Variants in SLCO3A1 observed in about 807,000 individuals in gnomAD.
SLCO3A1 encodes solute carrier organic anion transporter family member 3A1, also known as PGE1 transporter.
In SLCO3A1, 27 loss-of-function variants were observed where a neutral mutation model predicts 63.1. That is an observed-to-expected ratio of 0.43 (90% CI 0.32 to 0.59). SLCO3A1 has a LOEUF of 0.59. Among genes scored for constraint, SLCO3A1 ranks in the 20% least tolerant of loss-of-function variants. The pLI, the probability that SLCO3A1 is intolerant of heterozygous loss-of-function variation, is 0.09. For synonymous variants in SLCO3A1, 473 were observed against 409.9 expected, an observed-to-expected ratio of 1.15 and a Z score of -1.86; for missense variants, 773 against 945.8, an observed-to-expected ratio of 0.82 and a Z score of 2.40.
chr15:91,857,476 G>T (rs534931102), intron 1 of SLCO3A1, among the ~76,000 whole-genome samples: 8 of 152,270 alleles, frequency 5.3e-5, no homozygotes, highest in African/African-American at 1.9e-4. Context: ...AGGCCTGCTC[G>T]GTTTGATAGT....
chr15:92,083,811 C>T lies in SLCO3A1; in HGVS notation c.647-11070C>T, dbSNP rs560775846. On this transcript the variant is annotated intron_variant, in intron 2 of 9. Transcript: ENST00000318445. ...TATTGAGCACTTACTGTATGCCAGGCGCTGTGGAAAGCCCTTGTGAGGCAC... is the reference window on the plus strand; with the variant it reads ...TATTGAGCACTTACTGTATGCCAGGTGCTGTGGAAAGCCCTTGTGAGGCAC... Among the ~76,000 whole-genome samples the T allele has an allele frequency of 2.5e-4, 38 of 152,186 alleles. No individual in the cohort carries two copies. In the South Asian group the frequency reaches 5.6e-3, roughly 23 times the overall value.
chr15:92,160,653 G>T (rs574102516), intron 9 of SLCO3A1, among the ~76,000 whole-genome samples: 4 of 152,158 alleles, frequency 2.6e-5, no homozygotes, highest in Non-Finnish European at 4.4e-5. Flanking sequence ...TCTCTTTGGG[G>T]TATCAAGCAG....
intron 2 of SLCO3A1, among the ~76,000 whole-genome samples, chr15:92,010,542 G>A (rs1052159772): frequency 2.0e-5 from 3 of 152,110 alleles, no homozygotes; most frequent in African/African-American, 7.2e-5. Flanking sequence ...ATAAATCCTT[G>A]TGCATTTTTA....
At chr15:91,934,148 C>T (rs1314062079) in intron 2 of SLCO3A1, among the ~76,000 whole-genome samples, 4 of 152,094 alleles carry the variant, frequency 2.6e-5, no homozygotes, top group South Asian at 2.1e-4. Flanking sequence ...TGTGTCTGTT[C>T]TTCTTACCTT....
chr15:91,916,113 G>A lies in SLCO3A1; in HGVS notation c.301G>A (p.Ala101Thr). 1.2e-6 allele frequency: 2 copies of A among 1,611,522 alleles called. No homozygotes were observed. Among genetic ancestry groups the A allele is most frequent in the Non-Finnish European group, 1.7e-6 (2 of 1,179,616 alleles). ...CATCCTCTTCGTGAGCTACTTCGGG[G>A]CACGCGGGCACCGGCCGCGCCTGAT... ...ALILFVSYFGARGHRPRLIGC... is the reference protein window; with the variant it reads ...ALILFVSYFGTRGHRPRLIGC... The change falls in exon 2 of 10, where the codon GCA becomes ACA. Residue 101 changes from alanine to threonine, a missense_variant. This residue lies in a region of SLCO3A1 where 565 missense variants were observed against 749.8 expected (regional missense o/e 0.75). Coordinates refer to ENST00000318445, the MANE Select transcript of SLCO3A1 (RefSeq NM_013272.4). This position sits in a 1 kb window ranked among gnomAD's most constrained non-coding sequence, Gnocchi z 6.2.
intron 2 of SLCO3A1, among the ~76,000 whole-genome samples, chr15:91,955,487 CCCACCCGG>C (rs1457481570): frequency 6.6e-6 from 1 of 152,154 alleles, no homozygotes; most frequent in Non-Finnish European, 1.5e-5. Context: ...CGTGTGCCGC[CCCACCCGG>C]CCAAGTTTTG....
chr15:92,157,176 T>A (rs1313873923), intron 9 of SLCO3A1: 3 of 152,194 alleles, frequency 2.0e-5, no homozygotes, highest in Non-Finnish European at 4.4e-5. Context: ...CAGGGTGGGT[T>A]CCCAGTGCCC....
intron 2 of SLCO3A1, among the ~76,000 whole-genome samples, chr15:92,087,397 T>C (rs778090661): frequency 6.6e-6 from 1 of 152,240 alleles, no homozygotes; most frequent in Non-Finnish European, 1.5e-5. Context: ...TGACAACAGT[T>C]GTGCTTCTTC....
At chr15:91,902,762 G>A (rs528565924) in intron 1 of SLCO3A1, among the ~76,000 whole-genome samples, 22 of 152,222 alleles carry the variant, frequency 1.4e-4, no homozygotes, top group African/African-American at 4.8e-4. Flanking sequence ...TCCTTCTAGA[G>A]AGGAAAACTC....
rs1360852603 is a variant in SLCO3A1, at chr15:92,010,942, G to A, written c.647-83939G>A. Among the ~76,000 whole-genome samples, 3 of 152,190 alleles carry A rather than the reference G, an allele frequency of 2.0e-5. No homozygotes were observed. In the East Asian group the frequency reaches 5.8e-4, roughly 29 times the overall value. ...CCAAGCCATCATTGTGTCTTACATGGATCTTCACAGTAGCCATCTAAACAG... is the reference window on the plus strand; with the variant it reads ...CCAAGCCATCATTGTGTCTTACATGAATCTTCACAGTAGCCATCTAAACAG... On this transcript the variant is annotated intron_variant, in intron 2 of 9. Transcript: ENST00000318445.
chr15:92,128,546 A>G, intron 7 of SLCO3A1, 57 bp downstream of exon 7: 1 of 1,513,262 alleles, frequency 6.6e-7, no homozygotes, highest in Non-Finnish European at 8.9e-7. Context: ...AGTGGCTTAA[A>G]ACCCAAGTTT....
At chr15:91,939,595 C>G (rs1597139555) in intron 2 of SLCO3A1, among the ~76,000 whole-genome samples, 1 of 152,122 alleles carries the variant, frequency 6.6e-6, no homozygotes, top group Non-Finnish European at 1.5e-5. Context: ...CCAGCTCCAG[C>G]ACCTCCTAAT....
intron 2 of SLCO3A1, among the ~76,000 whole-genome samples, chr15:92,017,011 G>A (rs1334991091): frequency 6.6e-6 from 1 of 152,050 alleles, no homozygotes; most frequent in Non-Finnish European, 1.5e-5. Context: ...GGATACAGAG[G>A]ATCAGCTACT....
At position 91,854,469 on chromosome 15, in the gene SLCO3A1, T is replaced by G; in HGVS notation, c.180+381T>G. ...AAAGCGTCGGGGTTTTCAGGTGACC[T>G]GCACATGGGAAGAAAAACCAGTTAG... On this transcript the variant is annotated intron_variant, in intron 1 of 9. Transcript: ENST00000318445. The surrounding 1 kb of genome is among the most constrained non-coding windows in gnomAD (Gnocchi z 6.4). 1 of 731,926 alleles carries G rather than the reference T, an allele frequency of 1.4e-6. No homozygotes were observed. The highest frequency in any genetic ancestry group is 1.7e-6 in the Non-Finnish European group (1 of 592,970). The allele number at this position is 731,926 out of a possible 1,614,324, so 45.3% of individuals were successfully genotyped here.
intron 4 of SLCO3A1, among the ~76,000 whole-genome samples, chr15:92,108,626 A>G (rs947845536): frequency 6.6e-6 from 1 of 152,210 alleles, no homozygotes; most frequent in Non-Finnish European, 1.5e-5. Context: ...TGTCTCCGGC[A>G]TCTCTTGCCC....
At chr15:92,000,503 T>C (rs1016397105) in intron 2 of SLCO3A1, among the ~76,000 whole-genome samples, 8 of 151,752 alleles carry the variant, frequency 5.3e-5, no homozygotes, top group African/African-American at 1.7e-4. Context: ...AGGTGGTGGT[T>C]GCATAAGGTG....
chr15:91,986,582 C>T (rs1192961183), intron 2 of SLCO3A1, among the ~76,000 whole-genome samples: 2 of 150,150 alleles, frequency 1.3e-5, no homozygotes, highest in African/African-American at 4.9e-5. Flanking sequence ...GAGACGTTTA[C>T]ATTCTTTTAA....
intron 2 of SLCO3A1, among the ~76,000 whole-genome samples, chr15:92,000,561 T>C (rs1289637020): frequency 6.6e-6 from 1 of 152,032 alleles, no homozygotes; most frequent in African/African-American, 2.4e-5. Context: ...ATCAAAATAA[T>C]AAGAGACCTA....
chr15:91,858,198 G>A (rs1292386880), intron 1 of SLCO3A1, among the ~76,000 whole-genome samples: 1 of 152,062 alleles, frequency 6.6e-6, no homozygotes, highest in African/African-American at 2.4e-5. Context: ...GAAACTGTCT[G>A]TTGACATTTT....
Sources: gnomAD v4.1 joint callset for allele counts (sites outside exome capture counted in the v4.1 genomes callset) on GRCh38, gnomAD v4.1.1 for gene constraint, gnomAD v4.1.1 regional missense constraint, Gnocchi (gnomAD v3.1) non-coding constraint, MANE v1.5 for transcripts, NCBI Gene and HGNC (gene_info 2026-07-23, HGNC 2026-07-21) for gene names.